The following DSCAM variants were observed in gnomAD, a reference collection of about 807,000 sequenced individuals.
DSCAM encodes the protein cell adhesion molecule DSCAM.
A neutral mutation model predicts 217.7 loss-of-function variants in DSCAM; 47 were observed. The observed-to-expected ratio is 0.22, with a 90% confidence interval of 0.17 to 0.28. DSCAM has a LOEUF of 0.28. DSCAM is among the 10% of genes least tolerant of loss of function. DSCAM has a pLI of 1.00. For synonymous variants in DSCAM, 1,056 were observed against 1,015.3 expected, an observed-to-expected ratio of 1.04 and a Z score of -0.76; for missense variants, 2,080 against 2,618.3, an observed-to-expected ratio of 0.79 and a Z score of 4.49.
chr21:40,265,075 C>A (rs1601498107), intron 11 of DSCAM, among the ~76,000 whole-genome samples: 2 of 140,248 alleles, frequency 1.4e-5, no homozygotes, highest in Non-Finnish European at 3.0e-5. Flanking sequence ...CATCTATAAT[C>A]CCAGCTACTC....
chr21:40,739,372 G>C (rs879860952), intron 1 of DSCAM, among the ~76,000 whole-genome samples: 27 of 152,170 alleles, frequency 1.8e-4, no homozygotes, highest in Non-Finnish European at 3.1e-4. Context: ...CTTTCTTGTT[G>C]CTGGGGCTGC....
In DSCAM at chr21:40,371,169, C is replaced by T. The variant is rs2074894166; in HGVS notation, c.509-1924G>A. On this transcript the variant is annotated intron_variant, in intron 3 of 32. Coordinates refer to ENST00000400454, the MANE Select transcript of DSCAM (RefSeq NM_001389.5). ...AGTTTAAAATATGCCATAAATAATG[C>T]TAGCTATTAGAGAAGCTGAAAAATC... 1.3e-5 allele frequency among the ~76,000 whole-genome samples: 2 copies of T among 152,218 alleles called. 1 individual carries two copies. Among genetic ancestry groups the T allele is most frequent in the South Asian group, 4.1e-4 (2 of 4,824 alleles).
rs535556665 is a variant in DSCAM, at chr21:40,169,873, C to T, written c.2948-2585G>A. Among the ~76,000 whole-genome samples the T allele has an allele frequency of 7.2e-5, 11 of 152,214 alleles. No homozygotes were observed. In the East Asian group the frequency reaches 1.2e-3, roughly 16 times the overall value. ...CCCTGTCCTATGCTTTCTCCACCAT[C>T]GTCCTTATGGGGATCCCTATCTCTC... On this transcript the variant is annotated intron_variant, in intron 15 of 32. Transcript: ENST00000400454.
intron 3 of DSCAM, among the ~76,000 whole-genome samples, chr21:40,553,395 G>T (rs559112999): frequency 4.6e-5 from 7 of 152,174 alleles, no homozygotes; most frequent in Non-Finnish European, 1.0e-4. Flanking sequence ...ATATTGAAAG[G>T]CCTGTGGTGA....
intron 1 of DSCAM, among the ~76,000 whole-genome samples, chr21:40,792,452 A>C (rs951480003): frequency 6.6e-6 from 1 of 152,132 alleles, no homozygotes; most frequent in Non-Finnish European, 1.5e-5. Flanking sequence ...CCAGTCTTAC[A>C]TGGAATTAGG....
intron 14 of DSCAM, among the ~76,000 whole-genome samples, chr21:40,179,588 A>G (rs537273930): frequency 6.6e-6 from 1 of 152,302 alleles, no homozygotes; most frequent in South Asian, 2.1e-4. Flanking sequence ...TTCCTCCCCA[A>G]ATAGAGTGTG....
At chr21:40,373,400 T>C (rs1318012202) in intron 3 of DSCAM, among the ~76,000 whole-genome samples, 1 of 152,068 alleles carries the variant, frequency 6.6e-6, no homozygotes. Flanking sequence ...ACAGCCCCTA[T>C]CTCTAGGGAG....
intron 3 of DSCAM, among the ~76,000 whole-genome samples, chr21:40,670,639 A>C (rs2090262999): frequency 1.3e-5 from 2 of 152,130 alleles, no homozygotes; most frequent in South Asian, 4.1e-4. Flanking sequence ...AATACCCTCA[A>C]GATTGTTGTG....
intron 32 of DSCAM, among the ~76,000 whole-genome samples, chr21:40,033,952 C>T (rs1473763826): frequency 1.1e-4 from 15 of 134,936 alleles, no homozygotes; most frequent in African/African-American, 4.4e-4. Flanking sequence ...CTCCAACAGA[C>T]CTGCAGCTGA....
At chr21:40,025,020 C>T (rs1389375604) in intron 32 of DSCAM, among the ~76,000 whole-genome samples, 23 of 113,970 alleles carry the variant, frequency 2.0e-4, no homozygotes, top group African/African-American at 3.5e-4. Context: ...TCATAGATAG[C>T]TCTTATTATT....
Position 40,042,508 on chromosome 21 carries a change from C to G in DSCAM, c.5549G>C (p.Gly1850Ala). 1 of 1,614,182 alleles carries G rather than the reference C, an allele frequency of 6.2e-7. No homozygotes were observed. The highest frequency in any genetic ancestry group is 8.5e-7 in the Non-Finnish European group (1 of 1,180,034). ...CAGACTGTCCGTGTACTCATTTGTCCCTGCCGTCAACTGCTCCGATGACGT... is the reference window on the plus strand; with the variant it reads ...CAGACTGTCCGTGTACTCATTTGTCGCTGCCGTCAACTGCTCCGATGACGT... Reference protein sequence around the residue: ...SDTSSEQLTAGTNEYTDSLTS... With the variant: ...SDTSSEQLTAATNEYTDSLTS... Residue 1850 changes from glycine (G) to alanine (A), a missense_variant, in exon 32 of 33, where the codon GGG becomes GCG. Coordinates refer to ENST00000400454, the MANE Select transcript of DSCAM (RefSeq NM_001389.5).
intron 3 of DSCAM, among the ~76,000 whole-genome samples, chr21:40,597,513 T>A (rs1205423295): frequency 1.3e-4 from 12 of 92,410 alleles, no homozygotes; most frequent in Admixed American, 6.8e-4. Context: ...TTTTTTTTTT[T>A]TTTTTTTTTT....
intron 9 of DSCAM, among the ~76,000 whole-genome samples, chr21:40,309,878 G>A (rs1304884330): frequency 6.6e-6 from 1 of 152,124 alleles, no homozygotes; most frequent in African/African-American, 2.4e-5. Flanking sequence ...CCATTCTTCA[G>A]ACAGCTACTA....
chr21:40,223,800 G>A (rs952892410), intron 11 of DSCAM, among the ~76,000 whole-genome samples: 12 of 152,198 alleles, frequency 7.9e-5, no homozygotes, highest in Admixed American at 2.6e-4. Context: ...CAACACTTAT[G>A]TGAACACATT....
intron 3 of DSCAM, among the ~76,000 whole-genome samples, chr21:40,628,311 G>C (rs1016270145): frequency 1.4e-4 from 21 of 152,160 alleles, no homozygotes; most frequent in Non-Finnish European, 2.8e-4. Flanking sequence ...TACCAGATGA[G>C]AGAACTTTGA....
At chr21:40,107,792 T>C (rs549926845) in intron 20 of DSCAM, among the ~76,000 whole-genome samples, 2 of 152,308 alleles carry the variant, frequency 1.3e-5, no homozygotes, top group South Asian at 4.1e-4. Context: ...TAGATCTTTG[T>C]CTTTTTTGTT....
intron 1 of DSCAM, among the ~76,000 whole-genome samples, chr21:40,713,520 T>C (rs918620696): frequency 6.6e-5 from 10 of 152,166 alleles, no homozygotes; most frequent in African/African-American, 2.4e-4. Context: ...AGAGTGCACA[T>C]GGCAAAACTT....
intron 3 of DSCAM, among the ~76,000 whole-genome samples, chr21:40,669,542 G>A (rs2090244980): frequency 6.6e-6 from 1 of 151,476 alleles, no homozygotes; most frequent in African/African-American, 2.4e-5. Flanking sequence ...AGAATATAAA[G>A]ACAGATAAAA....
intron 20 of DSCAM, among the ~76,000 whole-genome samples, chr21:40,104,948 C>T (rs773045966): frequency 2.6e-5 from 4 of 152,148 alleles, no homozygotes. Flanking sequence ...TTCAGGGTGG[C>T]ATACACTAAG....
Sources: allele counts gnomAD v4.1 joint callset (sites outside exome capture counted in the v4.1 genomes callset), GRCh38; gene constraint gnomAD v4.1.1; transcripts MANE v1.5; gene names NCBI Gene and HGNC (gene_info 2026-07-23, HGNC 2026-07-21).